The following GPR39 variants were observed in gnomAD, a reference collection of about 807,000 sequenced individuals.
GPR39 encodes zinc sensing receptor.
Under a neutral mutation model 18.4 loss-of-function variants are expected in GPR39, and 23 were observed. The observed-to-expected ratio is 1.25, with a 90% CI of 0.90 to 1.77. The LOEUF is 1.77. Among genes scored for constraint, GPR39 ranks in the 40% most tolerant of loss-of-function variants. The probability of loss-of-function intolerance (pLI) is 0.00; values close to 1 mark genes in which losing one functional copy is unlikely to be tolerated. For missense variants in GPR39, 647 were observed against 602.4 expected (o/e 1.07, Z -0.78); for synonymous variants, 280 against 257.9 (o/e 1.09, Z -0.82).
intron 1 of GPR39, among the ~76,000 whole-genome samples, chr2:132,636,595 C>A (rs78232126): frequency 6.6e-6 from 1 of 152,184 alleles, no homozygotes; most frequent in African/African-American, 2.4e-5. Flanking sequence ...GGAAGCCCCA[C>A]GTTTGGACTC....
intron 1 of GPR39, among the ~76,000 whole-genome samples, chr2:132,443,671 C>T (rs915124496): frequency 6.6e-5 from 10 of 152,164 alleles, no homozygotes; most frequent in African/African-American, 2.4e-4. Flanking sequence ...TGAGGAATAT[C>T]TGAATTAACA....
At chr2:132,585,944 C>G (rs1056026780) in intron 1 of GPR39, among the ~76,000 whole-genome samples, 6 of 79,416 alleles carry the variant, frequency 7.6e-5, no homozygotes, top group Non-Finnish European at 1.4e-4. Context: ...TCGAAGCATC[C>G]CCGGTTTTTT....
chr2:132,563,554 G>A (rs1285940788), intron 1 of GPR39, among the ~76,000 whole-genome samples: 1 of 152,120 alleles, frequency 6.6e-6, no homozygotes, highest in Non-Finnish European at 1.5e-5. Flanking sequence ...TTACAAAAAT[G>A]AGATCCAACA....
At position 132,645,588 on chromosome 2, in the gene GPR39, T is replaced by C. The variant is rs1682022923; in HGVS notation, c.1344T>C (p.Phe448=). ...KPANSAAENG[F]QEHEV ...CCAATTCTGCTGCAGAGAATGGTTT[T>C]CAGGAGCATGAAGTTTGAATGTCAA... The change falls in exon 2 of 2, where the codon TTT becomes TTC. Residue 448 remains phenylalanine, a synonymous_variant. Transcript: ENST00000329321. The C allele has an allele frequency of 6.2e-7, 1 of 1,612,114 alleles. No homozygotes were observed. Among genetic ancestry groups the C allele is most frequent in the African/African-American group, 1.3e-5 (1 of 74,768 alleles).
chr2:132,542,945 C>T (rs1679887042), intron 1 of GPR39, among the ~76,000 whole-genome samples: 1 of 152,172 alleles, frequency 6.6e-6, no homozygotes, highest in Non-Finnish European at 1.5e-5. Context: ...GGGTCCCATT[C>T]TTACAAAGAT....
At chr2:132,519,719 C>T (rs1394705339) in intron 1 of GPR39, among the ~76,000 whole-genome samples, 1 of 152,184 alleles carries the variant, frequency 6.6e-6, no homozygotes, top group East Asian at 1.9e-4. Flanking sequence ...CAGCTACAAA[C>T]TAGGCTTCTT....
intron 1 of GPR39, among the ~76,000 whole-genome samples, chr2:132,529,583 C>G (rs1679574728): frequency 6.6e-6 from 1 of 152,216 alleles, no homozygotes; most frequent in Non-Finnish European, 1.5e-5. Context: ...CACTGAGTAG[C>G]CTAAGTGGGA....
chr2:132,532,527 G>C (rs1679660517), intron 1 of GPR39, among the ~76,000 whole-genome samples: 1 of 152,024 alleles, frequency 6.6e-6, no homozygotes, highest in African/African-American at 2.4e-5. Context: ...CCAAAGCCTG[G>C]CAGAGACACA....
intron 1 of GPR39, among the ~76,000 whole-genome samples, chr2:132,566,304 C>T (rs1438813651): frequency 4.7e-5 from 7 of 147,418 alleles, no homozygotes; most frequent in Non-Finnish European, 1.0e-4. Context: ...GATATTAGCC[C>T]TTTGTCAGAT....
chr2:132,479,119 T>C (rs1291330805), intron 1 of GPR39, among the ~76,000 whole-genome samples: 1 of 152,218 alleles, frequency 6.6e-6, no homozygotes, highest in Non-Finnish European at 1.5e-5. Flanking sequence ...AATCAACTGA[T>C]TACACATTAA....
chr2:132,564,087 A>G (rs73957926), intron 1 of GPR39, among the ~76,000 whole-genome samples: 15,205 of 152,278 alleles, frequency 0.1, 2,528 homozygotes, highest in African/African-American at 0.34. Context: ...TCATAAGCAG[A>G]TGAGCAACCC....
chr2:132,481,630 A>T (rs1681236651), intron 1 of GPR39, among the ~76,000 whole-genome samples: 1 of 152,248 alleles, frequency 6.6e-6, no homozygotes, highest in Non-Finnish European at 1.5e-5. Context: ...AACACATTGC[A>T]TACATATTTC....
At chr2:132,470,208 G>A (rs1681004804) in intron 1 of GPR39, among the ~76,000 whole-genome samples, 1 of 152,208 alleles carries the variant, frequency 6.6e-6, no homozygotes, top group Non-Finnish European at 1.5e-5. Context: ...CTTCCAGTTA[G>A]TGGTGGCACC....
At chr2:132,496,507 T>C (rs1405281444) in intron 1 of GPR39, among the ~76,000 whole-genome samples, 3 of 152,122 alleles carry the variant, frequency 2.0e-5, no homozygotes, top group Non-Finnish European at 4.4e-5. Context: ...GGTGATAACT[T>C]TATTAGTGAT....
At position 132,645,502 on chromosome 2, in the gene GPR39, CAGTCTAAGTCCCAGTCATTGAGTCTCG is replaced by C; in HGVS notation, c.1263_1289del (p.Lys422_Ser430del). ...CACTTTTCAGAGCGAGGCCGAGCCC[CAGTCTAAGTCCCAGTCATTGAGTCTCG>C]AGTCACTAGAGCCCAACTCAGGCGC... On this transcript the variant is annotated inframe_deletion, in exon 2 of 2. Transcript: ENST00000329321. 6.2e-7 allele frequency: 1 copy of C among 1,613,642 alleles called. No homozygotes were observed. The highest frequency in any genetic ancestry group is 8.5e-7 in the Non-Finnish European group (1 of 1,180,010).
chr2:132,633,338 CTGTGTGTGTGTG>C (rs55722602), intron 1 of GPR39, among the ~76,000 whole-genome samples: 86 of 139,200 alleles, frequency 6.2e-4, no homozygotes, highest in Non-Finnish European at 7.8e-4. Context: ...CCAAATACCT[CTGTGTGTGTGTG>C]TGTGTGTGTG....
At chr2:132,446,967 A>G (rs1024401456) in intron 1 of GPR39, among the ~76,000 whole-genome samples, 1 of 152,204 alleles carries the variant, frequency 6.6e-6, no homozygotes, top group Non-Finnish European at 1.5e-5. Context: ...TGACCCAGCC[A>G]GGTCCCAAGG....
intron 1 of GPR39, among the ~76,000 whole-genome samples, chr2:132,584,735 C>A (rs373701266): frequency 6.6e-6 from 1 of 152,140 alleles, no homozygotes; most frequent in Non-Finnish European, 1.5e-5. Context: ...CAGGCAGGAT[C>A]GGATGCAAAT....
At chr2:132,590,702 A>C (rs1038667385) in intron 1 of GPR39, among the ~76,000 whole-genome samples, 2 of 133,278 alleles carry the variant, frequency 1.5e-5, no homozygotes, top group Non-Finnish European at 3.1e-5. Context: ...CAGCATGATG[A>C]GTTTGGGTCT....
Sources: gnomAD v4.1 joint callset for allele counts (sites outside exome capture counted in the v4.1 genomes callset) on GRCh38, gnomAD v4.1.1 for gene constraint, MANE v1.5 for transcripts, NCBI Gene and HGNC (gene_info 2026-07-23, HGNC 2026-07-21) for gene names.